Variants in SLC35F4 observed in about 807,000 individuals in gnomAD.
SLC35F4 encodes solute carrier family 35 member F4, also known as chromosome 14 open reading frame 36.
SLC35F4 carries 24 observed loss-of-function variants against 44.2 expected under a neutral mutation model. The ratio of observed to expected loss-of-function variants is 0.54; its 90% confidence interval spans 0.39 to 0.76. SLC35F4 has a LOEUF of 0.76. Ranked by LOEUF, SLC35F4 falls within the 30% of genes least tolerant of loss-of-function variation. SLC35F4 has a pLI of 0.00. For synonymous variants in SLC35F4, 238 were observed against 223.6 expected, an observed-to-expected ratio of 1.06 and a Z score of -0.57; for missense variants, 562 against 586.1, an observed-to-expected ratio of 0.96 and a Z score of 0.42.
chr14:57,729,143 G>C (rs933097217), intron 1 of SLC35F4, among the ~76,000 whole-genome samples: 3 of 152,074 alleles, frequency 2.0e-5, no homozygotes, highest in African/African-American at 7.2e-5. Context: ...TCTTCTATGG[G>C]CTAAACCTGC....
intron 2 of SLC35F4, among the ~76,000 whole-genome samples, chr14:57,591,315 AAAATGTCCATGGTGCAGT>A (rs2070167405): frequency 6.6e-6 from 1 of 152,208 alleles, no homozygotes; most frequent in Admixed American, 6.5e-5. Context: ...ATGATCAGAA[AAAATGTCCATGGTGCAGT>A]GACACTGAGA....
At chr14:57,803,153 T>C (rs2078231994) in intron 1 of SLC35F4, among the ~76,000 whole-genome samples, 1 of 152,132 alleles carries the variant, frequency 6.6e-6, no homozygotes, top group South Asian at 2.1e-4. Flanking sequence ...GTTTAACATA[T>C]GCAAATCAAT....
At chr14:57,936,520 C>A (rs904253219) in intron 1 of SLC35F4, among the ~76,000 whole-genome samples, 3 of 152,202 alleles carry the variant, frequency 2.0e-5, no homozygotes, top group African/African-American at 7.2e-5. Context: ...CTCTCTCCCC[C>A]CAGGGAACTT....
intron 1 of SLC35F4, among the ~76,000 whole-genome samples, chr14:57,623,863 G>A (rs943387454): frequency 2.0e-5 from 3 of 151,992 alleles, no homozygotes; most frequent in Non-Finnish European, 4.4e-5. Context: ...GATCTAAATC[G>A]GACAGCCTAA....
intron 1 of SLC35F4, among the ~76,000 whole-genome samples, chr14:57,710,752 G>A (rs2075798566): frequency 6.6e-6 from 1 of 151,994 alleles, no homozygotes; most frequent in Non-Finnish European, 1.5e-5. Flanking sequence ...GACTCACATG[G>A]GTCCTGTAAG....
At chr14:57,950,112 C>G (rs1890107663) in intron 1 of SLC35F4, among the ~76,000 whole-genome samples, 1 of 152,124 alleles carries the variant, frequency 6.6e-6, no homozygotes, top group Non-Finnish European at 1.5e-5. Flanking sequence ...ATTATTCCCT[C>G]AAATATGTTT....
chr14:57,933,903 T>G (rs1031634657), intron 1 of SLC35F4, among the ~76,000 whole-genome samples: 15 of 152,290 alleles, frequency 9.8e-5, no homozygotes, highest in Admixed American at 8.5e-4. Context: ...ATATATATAA[T>G]TAAAATACCT....
At position 57,931,884 on chromosome 14, in the gene SLC35F4, C is replaced by A. The variant is rs116662890; in HGVS notation, n.282+50029G>T. Among the ~76,000 whole-genome samples, 686 of 152,270 alleles carry A rather than the reference C, an allele frequency of 4.5e-3. 5 individuals are homozygous for A. The highest frequency in any genetic ancestry group is 0.015 in the African/African-American group (642 of 41,534). On this transcript the variant is annotated intron_variant and non_coding_transcript_variant, in intron 1 of 1. Coordinates refer to the SLC35F4 transcript ENST00000556568. Reference sequence around the variant, plus strand: ...AAAGTCAGCATTAATATTCCCAGTCCCCCCATGTGGGCAAAACTCTTTAGA... The same window carrying A: ...AAAGTCAGCATTAATATTCCCAGTCACCCCATGTGGGCAAAACTCTTTAGA...
intron 1 of SLC35F4, among the ~76,000 whole-genome samples, chr14:57,892,589 T>A (rs1888792046): frequency 6.6e-6 from 1 of 152,222 alleles, no homozygotes; most frequent in South Asian, 2.1e-4. Flanking sequence ...ATTTAACGTT[T>A]ACAAGACCTA....
At chr14:57,931,915 T>C (rs183975613) in intron 1 of SLC35F4, among the ~76,000 whole-genome samples, 18 of 152,344 alleles carry the variant, frequency 1.2e-4, no homozygotes, top group African/African-American at 3.8e-4. Context: ...TTAGATGAGA[T>C]AGGAGAGCTG....
At chr14:57,757,084 G>A (rs1252337355) in intron 1 of SLC35F4, among the ~76,000 whole-genome samples, 1 of 152,056 alleles carries the variant, frequency 6.6e-6, no homozygotes, top group Non-Finnish European at 1.5e-5. Flanking sequence ...ATTATTAGGT[G>A]CGTGAACATC....
intron 5 of SLC35F4, among the ~76,000 whole-genome samples, chr14:57,571,373 T>C (rs2068495838): frequency 6.6e-6 from 1 of 152,222 alleles, no homozygotes; most frequent in Non-Finnish European, 1.5e-5. Context: ...TTCATTTTGC[T>C]AGTAACACGA....
At chr14:57,954,332 A>C (rs1005575581) in intron 1 of SLC35F4, among the ~76,000 whole-genome samples, 9 of 152,126 alleles carry the variant, frequency 5.9e-5, no homozygotes, top group South Asian at 2.1e-4. Flanking sequence ...AGGAAAGATC[A>C]AAAACTGACA....
chr14:57,875,545 G>C (rs1379666933), intron 1 of SLC35F4, among the ~76,000 whole-genome samples: 1 of 152,204 alleles, frequency 6.6e-6, no homozygotes, highest in African/African-American at 2.4e-5. Flanking sequence ...AGGTAGATCA[G>C]CTGGGGACTG....
chr14:57,812,355 G>T (rs1882071044), intron 1 of SLC35F4, among the ~76,000 whole-genome samples: 1 of 152,118 alleles, frequency 6.6e-6, no homozygotes, highest in African/African-American at 2.4e-5. Context: ...TATAAATCAT[G>T]CTAAAGAAAC....
At chr14:57,864,009 A>G (rs1489333597) in intron 1 of SLC35F4, among the ~76,000 whole-genome samples, 3 of 152,198 alleles carry the variant, frequency 2.0e-5, no homozygotes, top group Non-Finnish European at 4.4e-5. Context: ...ACAAAAATAT[A>G]ATATGAACAT....
At chr14:57,673,925 C>G (rs1221332038) in intron 1 of SLC35F4, among the ~76,000 whole-genome samples, 2 of 151,972 alleles carry the variant, frequency 1.3e-5, no homozygotes, top group African/African-American at 4.8e-5. Flanking sequence ...ACAAAGAATA[C>G]AGTAAACAAC....
At chr14:57,667,766 G>A (rs1372075680) in intron 1 of SLC35F4, among the ~76,000 whole-genome samples, 1 of 151,598 alleles carries the variant, frequency 6.6e-6, no homozygotes, top group Non-Finnish European at 1.5e-5. Context: ...CCGAGTCTTT[G>A]CTATTGTGAA....
At chr14:57,591,191 G>C (rs2139904612) in intron 2 of SLC35F4, among the ~76,000 whole-genome samples, 1 of 152,332 alleles carries the variant, frequency 6.6e-6, no homozygotes, top group South Asian at 2.1e-4. Context: ...GAATATGAAA[G>C]ACTTCAGCCC....
Sources: allele counts gnomAD v4.1 joint callset (sites outside exome capture counted in the v4.1 genomes callset), GRCh38; gene constraint gnomAD v4.1.1; transcripts MANE v1.5; gene names NCBI Gene and HGNC (gene_info 2026-07-23, HGNC 2026-07-21).